Variants in MAK16 observed in about 807,000 individuals in gnomAD.
The protein encoded by MAK16 is MAK16 homolog, also known as protein MAK16 homolog.
Under a neutral mutation model 49.9 loss-of-function variants are expected in MAK16, and 12 were observed. The ratio of observed to expected loss-of-function variants is 0.24; its 90% CI spans 0.15 to 0.39. The LOEUF is 0.39. Among genes scored for constraint, MAK16 ranks in the 10% least tolerant of loss-of-function variants. The pLI, the probability that MAK16 is intolerant of heterozygous loss-of-function variation, is 1.00. For synonymous variants in MAK16, 115 were observed against 126.4 expected, an observed-to-expected ratio of 0.91 and a Z score of 0.60; for missense variants, 292 against 363.7, an observed-to-expected ratio of 0.80 and a Z score of 1.60.
chr8:33,492,159 A>C (rs1464986734), intron 6 of MAK16, among the ~76,000 whole-genome samples: 1 of 150,316 alleles, frequency 6.7e-6, no homozygotes, highest in Non-Finnish European at 1.5e-5. Context: ...CCAGGTGTGC[A>C]CCACCATGCC....
chr8:33,485,276 A>G, intron 1 of MAK16, 55 bp downstream of exon 1: 8 of 1,613,134 alleles, frequency 5.0e-6, no homozygotes, highest in Non-Finnish European at 6.8e-6. Flanking sequence ...AATTTTGCCC[A>G]TTTTCGGACA....
In MAK16 at chr8:33,489,207, A is replaced by G. The variant is rs866441285; in HGVS notation, c.392+68A>G. 42 of 1,438,816 alleles carry G rather than the reference A, an allele frequency of 2.9e-5. 1 individual carries two copies. In the Middle Eastern group the frequency reaches 5.7e-3, roughly 197 times the overall value. 89.1% of individuals were successfully genotyped at this position (1,438,816 alleles called of 1,614,324 possible). ...ATGGAGCTTGTTTTGAAGTTGAGAA[A>G]TTGTGAAACTTCGGGGCTTTCTATT... On this transcript the variant is annotated intron_variant, in intron 5 of 9. Transcript: ENST00000360128. The surrounding 1 kb of genome is among the most constrained non-coding windows in gnomAD (Gnocchi z 4.2).
rs1461519496 is a variant in MAK16, at chr8:33,500,505, A to C, written c.*1876A>C. On this transcript the variant is annotated 3_prime_UTR_variant, in exon 10 of 10. Coordinates refer to ENST00000360128, the MANE Select transcript of MAK16 (RefSeq NM_032509.4). ...TGCAGGAAACTCTGGAATCAGGAAG[A>C]AAAGCTATGTTCATACTCTAAATCT... 2 of 1,613,778 alleles carry C rather than the reference A, an allele frequency of 1.2e-6. No individual in the cohort carries two copies. The highest frequency in any genetic ancestry group is 2.2e-5 in the South Asian group (2 of 91,068).
chr8:33,500,098 C>T lies in MAK16; in HGVS notation c.*1469C>T. The T allele has an allele frequency of 2.0e-6, 1 of 491,372 alleles. No individual in the cohort carries two copies. Among genetic ancestry groups the T allele is most frequent in the Non-Finnish European group, 3.7e-6 (1 of 273,270 alleles). The allele number at this position is 491,372 out of a possible 1,614,324, so 30.4% of individuals were successfully genotyped here. ...ACTGTCTCGTCCTTAGCCCCAGTGA[C>T]ATGTGCTGATCCTCCTGCCTTTAGT... On this transcript the variant is annotated 3_prime_UTR_variant, in exon 10 of 10. Transcript: ENST00000360128.
intron 6 of MAK16, among the ~76,000 whole-genome samples, chr8:33,493,003 A>G (rs1270654136): frequency 6.8e-6 from 1 of 147,134 alleles, no homozygotes; most frequent in East Asian, 2.0e-4. Flanking sequence ...TTTTATATTT[A>G]TATTTGTCAT....
At position 33,499,891 on chromosome 8, in the gene MAK16, T is replaced by C. The variant is rs1251150180; in HGVS notation, c.*1262T>C. The C allele has an allele frequency of 6.3e-6, 1 of 158,080 alleles. No individual in the cohort carries two copies. Among genetic ancestry groups the C allele is most frequent in the Non-Finnish European group, 1.4e-5 (1 of 72,060 alleles). The allele number at this position is 158,080 out of a possible 1,614,324, so 9.8% of individuals were successfully genotyped here. ...AATTTCCATGTAGATAAATTAAGAA[T>C]AGGGAAAAACATCTACCTAAAAGAT... On this transcript the variant is annotated 3_prime_UTR_variant, in exon 10 of 10. Transcript: ENST00000360128.
At chr8:33,485,652 G>C (rs545993279) in intron 1 of MAK16, 279 of 218,026 alleles carry the variant, frequency 1.3e-3, no homozygotes, top group Non-Finnish European at 2.2e-3. Flanking sequence ...CTTTACATTT[G>C]CTCTACTTCT....
At chr8:33,496,491 C>T (rs2128824817) in intron 7 of MAK16, 134 bp from the exon 8 acceptor site, 1 of 611,018 alleles carries the variant, frequency 1.6e-6, no homozygotes, top group East Asian at 3.0e-5. Flanking sequence ...TGGCTCTACA[C>T]TTAAAAATAT....
At chr8:33,495,897 G>C (rs1014645734) in intron 7 of MAK16, among the ~76,000 whole-genome samples, 1 of 151,540 alleles carries the variant, frequency 6.6e-6, no homozygotes, top group Non-Finnish European at 1.5e-5. Flanking sequence ...TGTATTTTTA[G>C]TAGAGACAGG....
rs1273485669 is a variant in MAK16 at position 33,490,356 on chromosome 8, A to G, written c.447+17A>G. On this transcript the variant is annotated intron_variant, in intron 6 of 9. Transcript: ENST00000360128. ...AGAAGAGAGGTAACTTATTGTTGAG[A>G]TATTCATACCTTCTACATTTTCTTT... 6 of 1,605,496 alleles carry G rather than the reference A, an allele frequency of 3.7e-6. No individual in the cohort carries two copies. The highest frequency in any genetic ancestry group is 5.1e-6 in the Non-Finnish European group (6 of 1,172,658).
intron 1 of MAK16, among the ~76,000 whole-genome samples, chr8:33,486,716 T>G (rs1436760342): frequency 1.3e-5 from 2 of 152,218 alleles, no homozygotes; most frequent in African/African-American, 4.8e-5. Flanking sequence ...TCAAAGGATT[T>G]GGGATATAAA....
chr8:33,493,385 C>A (rs1174885349), intron 6 of MAK16, among the ~76,000 whole-genome samples: 4 of 152,192 alleles, frequency 2.6e-5, no homozygotes, highest in Non-Finnish European at 5.9e-5. Context: ...AACTCCCAAC[C>A]TGAGGTGATT....
At chr8:33,494,259 G>A (rs1808821092) in intron 6 of MAK16, among the ~76,000 whole-genome samples, 1 of 152,122 alleles carries the variant, frequency 6.6e-6, no homozygotes, top group Non-Finnish European at 1.5e-5. Flanking sequence ...GTTTTTAGTA[G>A]AGACGGGGTT....
chr8:33,496,038 T>A (rs1016409204), intron 7 of MAK16, among the ~76,000 whole-genome samples: 3 of 152,186 alleles, frequency 2.0e-5, no homozygotes, highest in African/African-American at 7.2e-5. Flanking sequence ...AATAAATCCA[T>A]ATCGGCCTGG....
intron 1 of MAK16, 63 bp from the exon 2 acceptor site, chr8:33,488,315 T>A: frequency 5.2e-6 from 8 of 1,526,792 alleles, no homozygotes; most frequent in Non-Finnish European, 6.3e-6. Flanking sequence ...CATTGCCTTC[T>A]TGAATTAATA....
chr8:33,498,096 CAAAAAAAA>C (rs71209938), intron 9 of MAK16, among the ~76,000 whole-genome samples: 59 of 122,444 alleles, frequency 4.8e-4, no homozygotes, highest in South Asian at 8.2e-4. Flanking sequence ...ACTCCGTCTC[CAAAAAAAA>C]AAAAAAAAAA....
In MAK16 at chr8:33,490,355, G is replaced by A; in HGVS notation, c.447+16G>A. 6.2e-7 allele frequency: 1 copy of A among 1,606,198 alleles called. No individual in the cohort carries two copies. Among genetic ancestry groups the A allele is most frequent in the Non-Finnish European group, 8.5e-7 (1 of 1,173,300 alleles). ...AAGAAGAGAGGTAACTTATTGTTGAGATATTCATACCTTCTACATTTTCTT... is the reference window on the plus strand; with the variant it reads ...AAGAAGAGAGGTAACTTATTGTTGAAATATTCATACCTTCTACATTTTCTT... On this transcript the variant is annotated intron_variant, in intron 6 of 9. Coordinates refer to ENST00000360128, the MANE Select transcript of MAK16 (RefSeq NM_032509.4).
rs1470647888 is a variant in MAK16 at position 33,500,617 on chromosome 8, G to T, written c.*1988G>T. 6 of 1,174,900 alleles carry T rather than the reference G, an allele frequency of 5.1e-6. No homozygotes were observed. The East Asian group carries it at 1.0e-4, about 20-fold the overall frequency. The allele number at this position is 1,174,900 out of a possible 1,614,324, so 72.8% of individuals were successfully genotyped here. ...TAAGGAACTTAGGTCAAAGTTAAAT[G>T]AAAAAGACCTAAAAACAGAACCAAA... is the stretch of plus-strand genomic sequence containing the variant. On this transcript the variant is annotated 3_prime_UTR_variant, in exon 10 of 10. Coordinates refer to ENST00000360128, the MANE Select transcript of MAK16 (RefSeq NM_032509.4).
intron 6 of MAK16, among the ~76,000 whole-genome samples, chr8:33,494,568 A>G (rs1808826380): frequency 6.6e-6 from 1 of 152,210 alleles, no homozygotes; most frequent in South Asian, 2.1e-4. Flanking sequence ...TCCTCCCTTG[A>G]GATATCTGGC....
Sources: gnomAD v4.1 joint callset for allele counts (sites outside exome capture counted in the v4.1 genomes callset) on GRCh38, gnomAD v4.1.1 for gene constraint, Gnocchi (gnomAD v3.1) non-coding constraint, MANE v1.5 for transcripts, NCBI Gene and HGNC (gene_info 2026-07-23, HGNC 2026-07-21) for gene names.